OPHN1: variants seen among roughly 807,000 people sequenced by gnomAD.
OPHN1 encodes the protein oligophrenin 1.
In OPHN1, 11 loss-of-function variants were observed where a neutral mutation model predicts 60.7. That is an observed-to-expected ratio of 0.18 (90% CI 0.11 to 0.30). The LOEUF (loss-of-function observed/expected upper bound fraction) is 0.30. OPHN1 is among the 10% of genes least tolerant of loss of function. The pLI is 1.00. For synonymous variants in OPHN1, 226 were observed against 222.6 expected (o/e 1.02, Z -0.14); for missense variants, 449 against 611.0 (o/e 0.73, Z 2.80).
intron 11 of OPHN1, among the ~76,000 whole-genome samples, chrX:68,198,892 T>C (rs1345200609): frequency 9.0e-6 from 1 of 111,726 alleles, no homozygotes; most frequent in African/African-American, 3.3e-5. Flanking sequence ...AAAGCACCTC[T>C]TAATGACAGT....
At chrX:68,316,399 T>C (rs1308659099) in intron 2 of OPHN1, among the ~76,000 whole-genome samples, 1 of 112,114 alleles carries the variant, frequency 8.9e-6, no homozygotes, top group Non-Finnish European at 1.9e-5. Context: ...ATTACTGATA[T>C]AGACCATTAT....
At chrX:68,117,742 T>A (rs888990612) in intron 16 of OPHN1, among the ~76,000 whole-genome samples, 4 of 111,444 alleles carry the variant, frequency 3.6e-5, no homozygotes, top group Non-Finnish European at 3.8e-5. Context: ...AACACAGCTA[T>A]CTTTGAGAAT....
chrX:68,369,810 G>A (rs1433959747), intron 2 of OPHN1, among the ~76,000 whole-genome samples: 1 of 107,261 alleles, frequency 9.3e-6, no homozygotes, highest in African/African-American at 3.4e-5. Context: ...AGACATCTAA[G>A]AAGCTTAAAC....
intron 18 of OPHN1, among the ~76,000 whole-genome samples, chrX:68,109,231 T>C (rs2077094137): frequency 9.0e-6 from 1 of 111,451 alleles, no homozygotes. Flanking sequence ...TCTATAGATT[T>C]GTCTACTCTG....
intron 2 of OPHN1, among the ~76,000 whole-genome samples, chrX:68,420,597 G>C (rs1198201472): frequency 4.5e-5 from 5 of 110,731 alleles, no homozygotes; most frequent in African/African-American, 1.6e-4. Context: ...ACATATTTGG[G>C]GGAAAGATCT....
At chrX:68,259,176 G>A (rs1325254045) in intron 5 of OPHN1, among the ~76,000 whole-genome samples, 1 of 111,861 alleles carries the variant, frequency 8.9e-6, no homozygotes, top group Non-Finnish European at 1.9e-5. Context: ...AAGAGAATGA[G>A]CCTGGCACAA....
chrX:68,227,072 C>A (rs1209231409), intron 6 of OPHN1, among the ~76,000 whole-genome samples: 2 of 110,605 alleles, frequency 1.8e-5, no homozygotes, highest in Admixed American at 9.7e-5. Context: ...ATCTACCAAG[C>A]AAATGGAAAA....
intron 15 of OPHN1, among the ~76,000 whole-genome samples, chrX:68,125,956 T>TATATATATATATATATATATATATATAC (rs2077169399): frequency 2.6e-5 from 2 of 76,333 alleles, no homozygotes; most frequent in African/African-American, 1.0e-4. Context: ...TATATATATA[T>TATATATATATATATATATATATATATAC]ACATACACAC....
At chrX:68,227,934 CA>C (rs1033443030) in intron 6 of OPHN1, among the ~76,000 whole-genome samples, 5 of 107,201 alleles carry the variant, frequency 4.7e-5, no homozygotes, top group East Asian at 2.9e-4. Context: ...ATAAGAGACA[CA>C]AAAAAAAACC....
chrX:68,158,458 A>T (rs1250334198), intron 15 of OPHN1, among the ~76,000 whole-genome samples: 1 of 112,659 alleles, frequency 8.9e-6, no homozygotes, highest in Admixed American at 9.4e-5. Context: ...GTTAGAAGAG[A>T]TACATGTGCA....
intron 15 of OPHN1, among the ~76,000 whole-genome samples, chrX:68,128,756 C>A (rs966114024): frequency 1.8e-5 from 2 of 111,799 alleles, no homozygotes; most frequent in African/African-American, 6.5e-5. Context: ...AATAAACTAG[C>A]AAAATGAGTG....
At chrX:68,399,287 G>A (rs746244171) in intron 2 of OPHN1, among the ~76,000 whole-genome samples, 3 of 111,354 alleles carry the variant, frequency 2.7e-5, no homozygotes, top group African/African-American at 9.8e-5. Flanking sequence ...TGCCTGTCTT[G>A]AATTCATTCT....
intron 5 of OPHN1, among the ~76,000 whole-genome samples, chrX:68,259,576 T>C (rs1255066423): frequency 8.9e-6 from 1 of 112,184 alleles, no homozygotes; most frequent in Non-Finnish European, 1.9e-5. Flanking sequence ...TTATGTACTA[T>C]ATGTACCAAA....
intron 21 of OPHN1, among the ~76,000 whole-genome samples, chrX:68,062,846 T>C (rs2076898118): frequency 8.9e-6 from 1 of 111,996 alleles, no homozygotes; most frequent in African/African-American, 3.2e-5. Context: ...AACTCCCCTC[T>C]GGATTAGCCC....
At chrX:68,411,992 T>C (rs1379631596) in intron 2 of OPHN1, among the ~76,000 whole-genome samples, 6 of 111,584 alleles carry the variant, frequency 5.4e-5, no homozygotes, top group Non-Finnish European at 1.1e-4. Context: ...AATCAGGTTA[T>C]GGTGGCAGAA....
intron 2 of OPHN1, among the ~76,000 whole-genome samples, chrX:68,327,616 T>C (rs1221772853): frequency 1.9e-5 from 1 of 53,006 alleles, no homozygotes; most frequent in East Asian, 5.3e-4. Context: ...TCCCTAATCT[T>C]AAGTACCCAG....
At chrX:68,433,514 A>C, upstream of OPHN1, 4 of 271,044 alleles carry the variant, frequency 1.5e-5, no homozygotes, top group Non-Finnish European at 1.9e-5. Context: ...TCCGCGGGCA[A>C]CCCGGATTGC....
At chrX:68,198,193 T>A (rs772675877) in intron 11 of OPHN1, among the ~76,000 whole-genome samples, 31 of 111,033 alleles carry the variant, frequency 2.8e-4, no homozygotes, top group Non-Finnish European at 5.3e-4. Flanking sequence ...CTTTAGGAGG[T>A]GAGTTAGTCA....
chrX:68,358,142 TAATAAAATAA>T (rs1193752080), intron 2 of OPHN1, among the ~76,000 whole-genome samples: 2 of 101,237 alleles, frequency 2.0e-5, no homozygotes, highest in East Asian at 3.0e-4. Flanking sequence ...AAAAAAAAAA[TAATAAAATAA>T]AATAAAATAA....
Sources: gnomAD v4.1 joint callset for allele counts (sites outside exome capture counted in the v4.1 genomes callset) on GRCh38, gnomAD v4.1.1 for gene constraint, MANE v1.5 for transcripts, NCBI Gene and HGNC (gene_info 2026-07-23, HGNC 2026-07-21) for gene names.